The following XPNPEP1 variants were observed in gnomAD, a reference collection of about 807,000 sequenced individuals.
XPNPEP1 encodes the protein xaa-Pro aminopeptidase 1.
A neutral mutation model predicts 92.4 loss-of-function variants in XPNPEP1; 39 were observed. The observed-to-expected ratio is 0.42, with a 90% CI of 0.33 to 0.55. XPNPEP1 has a LOEUF of 0.55. Among genes scored for constraint, XPNPEP1 ranks in the 20% least tolerant of loss-of-function variants. XPNPEP1 has a pLI of 0.08. For missense variants in XPNPEP1, 654 were observed against 856.1 expected (o/e 0.76, Z 2.95); for synonymous variants, 307 against 299.4 (o/e 1.03, Z -0.26).
intron 3 of XPNPEP1, among the ~76,000 whole-genome samples, chr10:109,895,724 G>C (rs1848952363): frequency 1.3e-5 from 2 of 152,202 alleles, no homozygotes; most frequent in Non-Finnish European, 1.5e-5. Context: ...CTAGGAAAAA[G>C]GCACAAAGAA....
At chr10:109,873,235 G>T in intron 16 of XPNPEP1, 132 bp downstream of exon 16, 1 of 995,870 alleles carries the variant, frequency 1.0e-6, no homozygotes, top group Non-Finnish European at 1.5e-6. Flanking sequence ...AGATAAGCCT[G>T]ACTCCACAGC....
At chr10:109,871,524 G>A (rs1017030746) in intron 17 of XPNPEP1, among the ~76,000 whole-genome samples, 1 of 152,170 alleles carries the variant, frequency 6.6e-6, no homozygotes, top group East Asian at 1.9e-4. Context: ...GTCCTCTCCT[G>A]GGAGCCATCC....
At chr10:109,870,655 A>T in intron 18 of XPNPEP1, 76 bp downstream of exon 18, 3 of 1,505,862 alleles carry the variant, frequency 2.0e-6, no homozygotes, top group East Asian at 2.3e-5. Flanking sequence ...TAAACTAATT[A>T]AAAAATACAA....
At position 109,874,731 on chromosome 10, in the gene XPNPEP1, C is replaced by T. The variant is rs935877755; in HGVS notation, c.1391+797G>A. 2.0e-5 allele frequency among the ~76,000 whole-genome samples: 3 copies of T among 152,284 alleles called. No homozygotes were observed. In the East Asian group the frequency reaches 5.8e-4, roughly 29 times the overall value. ...TTGGGAGGCCGAGACCGGCGGATCA[C>T]GAGGTCAGGAGATCGAGACCATCCT... On this transcript the variant is annotated intron_variant, in intron 15 of 20. Coordinates refer to ENST00000502935, the MANE Select transcript of XPNPEP1 (RefSeq NM_020383.4).
At chr10:109,880,600 C>T (rs1564756288) in intron 11 of XPNPEP1, among the ~76,000 whole-genome samples, 1 of 149,304 alleles carries the variant, frequency 6.7e-6, no homozygotes, top group Non-Finnish European at 1.5e-5. Context: ...AGCATCACGT[C>T]ATCACCATCA....
chr10:109,907,954 AC>A, intron 2 of XPNPEP1, 139 bp from the exon 3 acceptor site: 1 of 1,236,780 alleles, frequency 8.1e-7, no homozygotes, highest in Non-Finnish European at 1.1e-6. Flanking sequence ...TCACTCCACC[AC>A]CAGACCAAGA....
rs1385441912 is a variant in XPNPEP1, at chr10:109,864,925, T to C, written c.*259A>G. The C allele has an allele frequency of 6.5e-6, 3 of 461,854 alleles. No individual in the cohort carries two copies. Among genetic ancestry groups the C allele is most frequent in the African/African-American group, 2.0e-5 (1 of 50,724 alleles). The allele number at this position is 461,854 out of a possible 1,614,324, so 28.6% of individuals were successfully genotyped here. ...GTCGGGGCATCTTCCTTTCACCAAG[T>C]GTTCAACTTTGGAGGGACCCTCCTT... is the stretch of plus-strand genomic sequence containing the variant. On this transcript the variant is annotated 3_prime_UTR_variant, in exon 21 of 21. Coordinates refer to ENST00000502935, the MANE Select transcript of XPNPEP1 (RefSeq NM_020383.4).
At position 109,865,243 on chromosome 10, in the gene XPNPEP1, G is replaced by T; in HGVS notation, c.1942C>A (p.Arg648Ser). 6.2e-7 allele frequency: 1 copy of T among 1,614,120 alleles called. No homozygotes were observed. The highest frequency in any genetic ancestry group is 8.5e-7 in the Non-Finnish European group (1 of 1,180,028). ...VIGKELQKQG[R>S]QEALEWLIRE... is the part of the protein sequence containing the mutation. ...ATGAGCCACTCGAGAGCTTCCTGGC[G>T]GCCCTGTTTCTGCAATTCCTTCCCA... Residue 648 changes from arginine to serine, a missense_variant, in exon 21 of 21, where the codon CGC (arginine) becomes AGC (serine). Transcript: ENST00000502935.
At position 109,876,811 on chromosome 10, in the gene XPNPEP1, C is replaced by T. The variant is rs189906156; in HGVS notation, c.1319+979G>A. ...CCAGTGCAAAGCAAAGCGGTTTGAA[C>T]CAGGCAGAGCTGAGGCTGAAGCCCA... On this transcript the variant is annotated intron_variant, in intron 14 of 20. Coordinates refer to ENST00000502935, the MANE Select transcript of XPNPEP1 (RefSeq NM_020383.4). 1.6e-3 allele frequency: 241 copies of T among 152,488 alleles called. 1 individual carries two copies. The highest frequency in any genetic ancestry group is 2.7e-3 in the Non-Finnish European group (184 of 68,140). 9.4% of individuals were successfully genotyped at this position (152,488 alleles called of 1,614,324 possible). A position where few individuals can be genotyped will look rare whatever the true frequency, so the allele number is the denominator to read the frequency against.
chr10:109,888,200 G>A lies in XPNPEP1; in HGVS notation c.509-8C>T. The A allele has an allele frequency of 6.2e-7, 1 of 1,608,982 alleles. No individual in the cohort carries two copies. Among genetic ancestry groups the A allele is most frequent in the South Asian group, 1.1e-5 (1 of 90,896 alleles). On this transcript the variant is annotated splice_region_variant and splice_polypyrimidine_tract_variant and intron_variant, in intron 6 of 20. Coordinates refer to ENST00000502935, the MANE Select transcript of XPNPEP1 (RefSeq NM_020383.4). ...CCATTTTCTTCCAATAATCTGAGGA[G>A]ACACATTGTGGCCCAGCCATGAGCC...
chr10:109,896,939 G>A (rs1328402740), intron 3 of XPNPEP1, among the ~76,000 whole-genome samples: 1 of 152,154 alleles, frequency 6.6e-6, no homozygotes, highest in Non-Finnish European at 1.5e-5. Context: ...AACCATAAGA[G>A]AATAAATTTG....
At chr10:109,885,797 G>A (rs563729720) in intron 8 of XPNPEP1, among the ~76,000 whole-genome samples, 3 of 152,196 alleles carry the variant, frequency 2.0e-5, no homozygotes, top group South Asian at 4.1e-4. Flanking sequence ...TTACATCAAA[G>A]GGCTTGGGGA....
chr10:109,891,954 T>G (rs1292200810), intron 4 of XPNPEP1, 128 bp from the exon 5 acceptor site: 2 of 772,784 alleles, frequency 2.6e-6, no homozygotes, highest in East Asian at 5.4e-5. Context: ...GATGGGTCCT[T>G]GACTCCAAAG....
chr10:109,872,204 G>C (rs1461757045), intron 16 of XPNPEP1, among the ~76,000 whole-genome samples: 1 of 152,210 alleles, frequency 6.6e-6, no homozygotes, highest in African/African-American at 2.4e-5. Flanking sequence ...TATCCTCTGT[G>C]CCACGCACTA....
intron 8 of XPNPEP1, among the ~76,000 whole-genome samples, chr10:109,884,816 A>T (rs180909958): frequency 1.2e-4 from 18 of 152,248 alleles, no homozygotes; most frequent in African/African-American, 4.1e-4. Flanking sequence ...AGACCAGGAG[A>T]GAGCACAGTT....
chr10:109,923,329 G>C, intron 1 of XPNPEP1, 73 bp downstream of exon 1: 1 of 1,360,936 alleles, frequency 7.3e-7, no homozygotes, highest in Non-Finnish European at 9.5e-7. Context: ...TGCCCGCCGA[G>C]GTGCAACACG....
At position 109,864,863 on chromosome 10, in the gene XPNPEP1, T is replaced by C. The variant is rs1054483629; in HGVS notation, c.*321A>G. The C allele has an allele frequency of 2.8e-6, 1 of 358,716 alleles. No individual in the cohort carries two copies. The highest frequency in any genetic ancestry group is 3.9e-5 in the Admixed American group (1 of 25,922). 22.2% of individuals were successfully genotyped at this position (358,716 alleles called of 1,614,324 possible). On this transcript the variant is annotated 3_prime_UTR_variant, in exon 21 of 21. Coordinates refer to ENST00000502935, the MANE Select transcript of XPNPEP1 (RefSeq NM_020383.4). ...ACTAGCACCTGGAACATGACCATCA[T>C]GGAGCACTCACTGATTCCCCATCAC...
In XPNPEP1 at chr10:109,886,248, G is replaced by A. The variant is rs1484707826; in HGVS notation, c.746C>T (p.Ala249Val). 1 of 1,613,986 alleles carries A rather than the reference G, an allele frequency of 6.2e-7. No individual in the cohort carries two copies. The highest frequency in any genetic ancestry group is 8.5e-7 in the Non-Finnish European group (1 of 1,179,932). Residue 249 changes from alanine to valine, a missense_variant and splice_region_variant, in exon 8 of 21, where the codon GCG (alanine) becomes GTG (valine). By Grantham distance (64) the Ala-to-Val change is moderately conservative. Transcript: ENST00000502935. ...AACAGCGAAACCAGAGCACTCACAC[G>A]CAATCTCATCCAAGGCAGTGACCAC... ...WFVVTALDEIAWLFNLRGSDV... is the reference protein window; with the variant it reads ...WFVVTALDEIVWLFNLRGSDV...
At chr10:109,876,224 C>T (rs1423941735) in intron 14 of XPNPEP1, 4 of 152,426 alleles carry the variant, frequency 2.6e-5, no homozygotes, top group Non-Finnish European at 4.4e-5. Context: ...TCTTTCCCCA[C>T]ACCGTTTTCA....
Sources: allele counts gnomAD v4.1 joint callset (sites outside exome capture counted in the v4.1 genomes callset), GRCh38; gene constraint gnomAD v4.1.1; transcripts MANE v1.5; gene names NCBI Gene and HGNC (gene_info 2026-07-23, HGNC 2026-07-21).